The following NEDD4 variants were observed in gnomAD, a reference collection of about 807,000 sequenced individuals.
NEDD4 encodes NEDD4 E3 ubiquitin protein ligase.
In NEDD4, 99 loss-of-function variants were observed where a neutral mutation model predicts 144.9. The observed-to-expected ratio is 0.68, with a 90% CI of 0.58 to 0.81. The LOEUF (loss-of-function observed/expected upper bound fraction) is 0.81, where lower values mean the gene tolerates loss of function less well. Ranked by LOEUF, NEDD4 falls within the 30% of genes least tolerant of loss-of-function variation. NEDD4 has a pLI of 0.00. For synonymous variants in NEDD4, 318 were observed against 350.6 expected, an observed-to-expected ratio of 0.91 and a Z score of 1.04; for missense variants, 985 against 1,065.9, an observed-to-expected ratio of 0.92 and a Z score of 1.06.
intron 5 of NEDD4, among the ~76,000 whole-genome samples, chr15:55,891,383 G>T (rs2035567223): frequency 6.6e-6 from 1 of 152,082 alleles, no homozygotes; most frequent in South Asian, 2.1e-4. Flanking sequence ...GACAATTAGA[G>T]GTTCTTTTTC....
At chr15:55,915,611 A>G in intron 5 of NEDD4, 2 of 1,613,850 alleles carry the variant, frequency 1.2e-6, no homozygotes, top group Non-Finnish European at 1.7e-6. Flanking sequence ...CTGAATCAGA[A>G]TTAAGCTTAA....
chr15:55,952,056 C>T (rs1158987462), intron 2 of NEDD4, among the ~76,000 whole-genome samples: 8 of 151,030 alleles, frequency 5.3e-5, no homozygotes, highest in African/African-American at 1.5e-4. Flanking sequence ...TGGCCGCGCA[C>T]GGTGGCTCAT....
chr15:55,914,391 A>C (rs1267712231), intron 5 of NEDD4, among the ~76,000 whole-genome samples: 2 of 151,932 alleles, frequency 1.3e-5, no homozygotes, highest in African/African-American at 4.8e-5. Flanking sequence ...AGTTCAAACC[A>C]TTTTAAATAC....
intron 5 of NEDD4, among the ~76,000 whole-genome samples, chr15:55,912,062 A>C (rs564961307): frequency 6.6e-6 from 1 of 152,238 alleles, no homozygotes; most frequent in Non-Finnish European, 1.5e-5. Flanking sequence ...CAGTTCTAAG[A>C]AATATACATG....
chr15:55,858,354 T>G (rs1399889792), intron 11 of NEDD4, among the ~76,000 whole-genome samples: 1 of 152,146 alleles, frequency 6.6e-6, no homozygotes, highest in Non-Finnish European at 1.5e-5. Flanking sequence ...TCACCCAAGC[T>G]GAAGTGCAAT....
intron 17 of NEDD4, 96 bp from the exon 18 acceptor site, chr15:55,847,130 A>G: frequency 1.6e-6 from 1 of 640,136 alleles, no homozygotes; most frequent in Non-Finnish European, 2.6e-6. Context: ...AAGGGCATTA[A>G]AAGAAAAATA....
intron 1 of NEDD4, among the ~76,000 whole-genome samples, chr15:55,979,949 C>T (rs892290224): frequency 2.7e-5 from 4 of 150,430 alleles, no homozygotes; most frequent in African/African-American, 9.8e-5. Flanking sequence ...CTCGCTTTGT[C>T]GCCCAGATTG....
chr15:55,929,160 G>A (rs1277959426), intron 4 of NEDD4, among the ~76,000 whole-genome samples: 1 of 152,136 alleles, frequency 6.6e-6, no homozygotes, highest in Non-Finnish European at 1.5e-5. Flanking sequence ...CAAAGCAACA[G>A]GGGCAACTGC....
intron 5 of NEDD4, among the ~76,000 whole-genome samples, chr15:55,880,891 A>G (rs1179765257): frequency 6.6e-6 from 1 of 152,200 alleles, no homozygotes; most frequent in East Asian, 1.9e-4. Context: ...AAAACATGTT[A>G]GCTAATATAT....
chr15:55,972,079 C>A (rs4492984), intron 1 of NEDD4, among the ~76,000 whole-genome samples: 22,609 of 152,042 alleles, frequency 0.15, 1,825 homozygotes, highest in East Asian at 0.32. Flanking sequence ...CAAACAAAAG[C>A]TGAGGGATTT....
intron 4 of NEDD4, among the ~76,000 whole-genome samples, chr15:55,941,646 C>A (rs2037006811): frequency 6.6e-6 from 1 of 151,718 alleles, no homozygotes; most frequent in Non-Finnish European, 1.5e-5. Context: ...CTCACTGCAA[C>A]CTCCGCCTCC....
At chr15:55,952,197 G>A (rs1191387285) in intron 2 of NEDD4, among the ~76,000 whole-genome samples, 3 of 151,842 alleles carry the variant, frequency 2.0e-5, no homozygotes, top group Non-Finnish European at 2.9e-5. Flanking sequence ...AGCCAGGCGT[G>A]GTGGCAGGCA....
chr15:55,919,036 A>ATATTAACAT (rs2036520540), intron 5 of NEDD4, among the ~76,000 whole-genome samples: 1 of 152,192 alleles, frequency 6.6e-6, no homozygotes, highest in South Asian at 2.1e-4. Flanking sequence ...TAACATATAA[A>ATATTAACAT]ATAATGAACT....
chr15:55,946,210 G>A lies in NEDD4; in HGVS notation c.237+5166C>T, dbSNP rs557131483. Among the ~76,000 whole-genome samples, 14 of 152,176 alleles carry A rather than the reference G, an allele frequency of 9.2e-5. No homozygotes were observed. The South Asian group carries it at 1.9e-3, about 20-fold the overall frequency. ...CCCCCATTAAAAGACACAGACTGGC[G>A]AATTAGATAAAGAGTCAAGACCCAT... On this transcript the variant is annotated intron_variant, in intron 4 of 28. Transcript: ENST00000435532.
chr15:55,897,005 A>G (rs1391375894), intron 5 of NEDD4, among the ~76,000 whole-genome samples: 1 of 151,966 alleles, frequency 6.6e-6, no homozygotes, highest in African/African-American at 2.4e-5. Flanking sequence ...ATGGAGTCTC[A>G]CTCTGTTGCC....
chr15:55,893,125 A>C lies in NEDD4; in HGVS notation c.292-19117T>G, dbSNP rs114654196. On this transcript the variant is annotated intron_variant, in intron 5 of 28. Coordinates refer to ENST00000435532, the MANE Select transcript of NEDD4 (RefSeq NM_006154.4). ...AGGAAATACTTTTCTGAGTGAGCCA[A>C]GAAGCACAGATAAGTTTAAATACCT... Among the ~76,000 whole-genome samples the C allele has an allele frequency of 6.5e-3, 992 of 152,306 alleles. 12 individuals are homozygous for C. The highest frequency in any genetic ancestry group is 0.022 in the African/African-American group (905 of 41,582).
chr15:55,915,447 G>T, intron 5 of NEDD4: 1 of 1,613,752 alleles, frequency 6.2e-7, no homozygotes. Flanking sequence ...ATTTGGATAA[G>T]CTCCTCCCAA....
At chr15:55,993,427 C>T in intron 1 of NEDD4, 84 bp downstream of exon 1, 33 of 1,517,950 alleles carry the variant, frequency 2.2e-5, no homozygotes, top group Non-Finnish European at 2.9e-5. Context: ...AGCCTCCGGT[C>T]GTGGCCGCCG....
At chr15:55,947,593 G>A (rs1246514692) in intron 4 of NEDD4, among the ~76,000 whole-genome samples, 1 of 152,144 alleles carries the variant, frequency 6.6e-6, no homozygotes, top group Non-Finnish European at 1.5e-5. Flanking sequence ...GGTACAAGGA[G>A]CTTATCCACC....
Sources: allele counts gnomAD v4.1 joint callset (sites outside exome capture counted in the v4.1 genomes callset), GRCh38; gene constraint gnomAD v4.1.1; transcripts MANE v1.5; gene names NCBI Gene and HGNC (gene_info 2026-07-23, HGNC 2026-07-21).